The following LAMA1 variants were observed in gnomAD, a reference collection of about 807,000 sequenced individuals.
LAMA1 encodes the protein laminin subunit alpha 1, also known as laminin subunit alpha-1.
Under a neutral mutation model 348.7 loss-of-function variants are expected in LAMA1, and 219 were observed. The observed-to-expected ratio is 0.63, with a 90% confidence interval of 0.56 to 0.70. The LOEUF is 0.70. Among genes scored for constraint, LAMA1 ranks in the 30% least tolerant of loss-of-function variants. The probability of loss-of-function intolerance (pLI) is 0.00; values close to 1 mark genes in which losing one functional copy is unlikely to be tolerated. For synonymous variants in LAMA1, 1,487 were observed against 1,491.0 expected (o/e 1.00, Z 0.06); for missense variants, 3,744 against 3,888.0 (o/e 0.96, Z 0.99).
intron 29 of LAMA1, among the ~76,000 whole-genome samples, chr18:7,003,608 G>T (rs1412746777): frequency 6.6e-6 from 1 of 152,232 alleles, no homozygotes; most frequent in South Asian, 2.1e-4. Context: ...CTTGCCATCT[G>T]ATTCCAATTT....
At chr18:7,055,739 A>T (rs2058078913) in intron 3 of LAMA1, among the ~76,000 whole-genome samples, 1 of 152,118 alleles carries the variant, frequency 6.6e-6, no homozygotes, top group African/African-American at 2.4e-5. Flanking sequence ...ATCTCTGAGC[A>T]TGAGCTACTT....
chr18:7,056,209 A>G (rs2058081376), intron 3 of LAMA1, among the ~76,000 whole-genome samples: 1 of 152,190 alleles, frequency 6.6e-6, no homozygotes, highest in African/African-American at 2.4e-5. Flanking sequence ...GTTGAACTCA[A>G]TATGTGGGTT....
At chr18:7,010,560 A>C (rs1445988082) in intron 25 of LAMA1, among the ~76,000 whole-genome samples, 175 bp from the exon 26 acceptor site, 1 of 152,246 alleles carries the variant, frequency 6.6e-6, no homozygotes, top group Admixed American at 6.5e-5. Context: ...TGGATTATTA[A>C]GTTGACCTAA....
intron 57 of LAMA1, among the ~76,000 whole-genome samples, chr18:6,951,564 C>T (rs913382348): frequency 1.3e-5 from 2 of 152,134 alleles, no homozygotes; most frequent in South Asian, 2.1e-4. Context: ...TTTGGATTTT[C>T]GGCACAGTGG....
In LAMA1 at chr18:7,006,906, T is replaced by C. The variant is rs533057349; in HGVS notation, c.4260+233A>G. 3.9e-5 allele frequency among the ~76,000 whole-genome samples: 6 copies of C among 152,302 alleles called. No individual in the cohort carries two copies. In the South Asian group the frequency reaches 1.0e-3, roughly 26 times the overall value. On this transcript the variant is annotated intron_variant, in intron 29 of 62. Transcript: ENST00000389658. The stretch of plus-strand genomic sequence containing the variant: ...TTGGTGCACGACTATAATTCCCAAA[T>C]TGATGCCCACAGATAAATTCATCAA...
intron 23 of LAMA1, among the ~76,000 whole-genome samples, chr18:7,012,392 G>C (rs1248585764): frequency 6.6e-6 from 1 of 151,758 alleles, no homozygotes. Flanking sequence ...TGATGAGAAT[G>C]TCCCGAGACA....
intron 12 of LAMA1, 43 bp downstream of exon 12, chr18:7,037,535 A>T (rs7504688): frequency 1.9e-6 from 3 of 1,610,398 alleles, no homozygotes; most frequent in Non-Finnish European, 1.7e-6. Flanking sequence ...GTGTTCCCTG[A>T]GATCTTCATC....
Position 7,050,748 on chromosome 18 carries a change from A to G in LAMA1, c.534T>C (p.Asp178=), listed in dbSNP as rs778533233. The G allele has an allele frequency of 6.2e-7, 1 of 1,614,160 alleles. No individual in the cohort carries two copies. The highest frequency in any genetic ancestry group is 2.2e-5 in the East Asian group (1 of 44,878). ...AATAATAGGAGGTGCAGATCACTTCATCATCAGCCCTGTAGGTGGGTGGCC... is the reference window on the plus strand; with the variant it reads ...AATAATAGGAGGTGCAGATCACTTCGTCATCAGCCCTGTAGGTGGGTGGCC... ...RRGPPTYRAD[D]EVICTSYYSR... is the part of the protein sequence containing the mutation. The change falls in exon 4 of 63, where the codon GAT becomes GAC. Residue 178 remains aspartate, a synonymous_variant. Coordinates refer to ENST00000389658, the MANE Select transcript of LAMA1 (RefSeq NM_005559.4).
At chr18:7,067,397 G>T (rs2058126719) in intron 3 of LAMA1, among the ~76,000 whole-genome samples, 2 of 151,706 alleles carry the variant, frequency 1.3e-5, no homozygotes, top group Admixed American at 6.6e-5. Flanking sequence ...ACAGAAAGAA[G>T]CCAGACACAA....
At chr18:7,020,330 G>T (rs988463308) in intron 19 of LAMA1, among the ~76,000 whole-genome samples, 1 of 152,120 alleles carries the variant, frequency 6.6e-6, no homozygotes, top group South Asian at 2.1e-4. Flanking sequence ...TGAGAGTTAT[G>T]GGGGGTGAGG....
rs762133369 is a variant in LAMA1 at position 6,966,196 on chromosome 18, T to C, written c.7001A>G (p.Asn2334Ser). The part of the protein sequence containing the change: ...ATVTQIIMLF[N>S]TFSPNGLLLY... ...AAGAAGTCCATTAGGTGAAAAGGTA[T>C]TAAAAAGCATGATTATCTGGGTCAC... The change falls in exon 49 of 63, where the codon AAT (asparagine) becomes AGT (serine). Residue 2334 changes from asparagine to serine, a missense_variant. Transcript: ENST00000389658. The C allele has an allele frequency of 1.2e-6, 2 of 1,614,106 alleles. No individual in the cohort carries two copies. Among genetic ancestry groups the C allele is most frequent in the Non-Finnish European group, 1.7e-6 (2 of 1,180,004 alleles).
At chr18:6,988,272 T>C (rs2057744088) in intron 36 of LAMA1, among the ~76,000 whole-genome samples, 1 of 152,222 alleles carries the variant, frequency 6.6e-6, no homozygotes, top group Non-Finnish European at 1.5e-5. Flanking sequence ...TAGCTTCTTC[T>C]AGCAAAATTA....
chr18:6,974,303 G>A (rs886405196), intron 46 of LAMA1, among the ~76,000 whole-genome samples: 6 of 151,950 alleles, frequency 3.9e-5, no homozygotes, highest in Non-Finnish European at 8.8e-5. Context: ...GCAAAATGTT[G>A]TTATGATTTT....
intron 56 of LAMA1, chr18:6,956,087 A>C: frequency 3.4e-6 from 1 of 296,896 alleles, no homozygotes; most frequent in Non-Finnish European, 6.5e-6. Flanking sequence ...CCCGAACTCA[A>C]AGCCTCGCCC....
intron 33 of LAMA1, 67 bp from the exon 34 acceptor site, chr18:6,995,513 G>A (rs4798524): frequency 0.44 from 375,954 of 863,030 alleles, 90,157 homozygotes; most frequent in East Asian, 0.84. Context: ...TAACTAAGAA[G>A]CACTTGCATT....
At chr18:7,017,195 T>G in intron 20 of LAMA1, 83 bp downstream of exon 20, 2 of 1,046,464 alleles carry the variant, frequency 1.9e-6, no homozygotes, top group Non-Finnish European at 2.9e-6. Context: ...ACTAATACAC[T>G]TGGGGACTTA....
chr18:7,057,987 A>G (rs948030515), intron 3 of LAMA1, among the ~76,000 whole-genome samples: 3 of 150,158 alleles, frequency 2.0e-5, no homozygotes, highest in Admixed American at 2.0e-4. Flanking sequence ...TTTTTTTAGT[A>G]GAGACAGGGT....
chr18:7,091,041 G>T (rs1287393274), intron 1 of LAMA1, among the ~76,000 whole-genome samples: 3 of 152,180 alleles, frequency 2.0e-5, no homozygotes, highest in Non-Finnish European at 4.4e-5. Context: ...TATGTTATCA[G>T]TATCCACTTA....
intron 1 of LAMA1, among the ~76,000 whole-genome samples, chr18:7,115,817 A>AACAAAAAAAG (rs1310453492): frequency 7.2e-6 from 1 of 138,536 alleles, no homozygotes; most frequent in Admixed American, 7.2e-5. Flanking sequence ...AAAAATACAA[A>AACAAAAAAAG]AAAAAAAAAA....
Sources: allele counts gnomAD v4.1 joint callset (sites outside exome capture counted in the v4.1 genomes callset), GRCh38; gene constraint gnomAD v4.1.1; transcripts MANE v1.5; gene names NCBI Gene and HGNC (gene_info 2026-07-23, HGNC 2026-07-21).